CSMD3: variants seen among roughly 807,000 people sequenced by gnomAD.
CSMD3 encodes the protein CUB and sushi domain-containing protein 3.
CSMD3 carries 177 observed loss-of-function variants against 435.2 expected under a neutral mutation model. The observed-to-expected ratio is 0.41, with a 90% CI of 0.36 to 0.46. The LOEUF (loss-of-function observed/expected upper bound fraction) is 0.46, where lower values mean the gene tolerates loss of function less well. CSMD3 is among the 20% of genes least tolerant of loss of function. The pLI, the probability that CSMD3 is intolerant of heterozygous loss-of-function variation, is 0.34. For synonymous variants in CSMD3, 1,656 were observed against 1,520.5 expected (o/e 1.09, Z -2.07); for missense variants, 4,265 against 4,504.6 (o/e 0.95, Z 1.52).
chr8:112,536,584 G>C (rs1004119941), intron 27 of CSMD3, among the ~76,000 whole-genome samples: 4 of 152,262 alleles, frequency 2.6e-5, no homozygotes, highest in South Asian at 2.1e-4. Context: ...CTGTAAACTA[G>C]TTCAACCATT....
chr8:112,376,139 T>C (rs1039165440), intron 38 of CSMD3, among the ~76,000 whole-genome samples: 1 of 152,172 alleles, frequency 6.6e-6, no homozygotes, highest in African/African-American at 2.4e-5. Flanking sequence ...TAGCTGATTA[T>C]TTATTGCTTT....
intron 8 of CSMD3, among the ~76,000 whole-genome samples, chr8:112,952,433 T>C (rs2083853639): frequency 6.6e-6 from 1 of 151,676 alleles, no homozygotes; most frequent in Admixed American, 6.6e-5. Context: ...GATAAAAACT[T>C]TCTTTTTAAT....
chr8:113,041,403 C>A (rs541785530), intron 5 of CSMD3, among the ~76,000 whole-genome samples: 3 of 152,116 alleles, frequency 2.0e-5, no homozygotes, highest in Non-Finnish European at 4.4e-5. Context: ...CTTGGGATGT[C>A]ATTGTGCTGC....
chr8:112,230,889 T>C (rs1001039464), intron 69 of CSMD3, among the ~76,000 whole-genome samples: 1 of 152,222 alleles, frequency 6.6e-6, no homozygotes, highest in Non-Finnish European at 1.5e-5. Context: ...ATTTATTCTT[T>C]GTGTATCCCT....
intron 29 of CSMD3, among the ~76,000 whole-genome samples, chr8:112,505,539 A>G (rs1460431660): frequency 6.6e-6 from 1 of 152,138 alleles, no homozygotes; most frequent in Non-Finnish European, 1.5e-5. Context: ...CTGAAAGCTT[A>G]TTTAACAATG....
chr8:113,371,883 A>C (rs2094347924), intron 1 of CSMD3, among the ~76,000 whole-genome samples: 1 of 152,218 alleles, frequency 6.6e-6, no homozygotes. Context: ...AAGGAACTTA[A>C]GACTTTTCAC....
intron 28 of CSMD3, among the ~76,000 whole-genome samples, chr8:112,508,377 C>G (rs944867839): frequency 2.6e-5 from 4 of 152,168 alleles, no homozygotes; most frequent in Admixed American, 1.3e-4. Context: ...AGACCAGACA[C>G]AGACCCTACC....
intron 1 of CSMD3, among the ~76,000 whole-genome samples, chr8:113,371,784 C>A (rs1280154908): frequency 6.6e-6 from 1 of 152,094 alleles, no homozygotes; most frequent in Non-Finnish European, 1.5e-5. Flanking sequence ...CCTAAGAGAT[C>A]TACAAACGCA....
chr8:113,289,554 C>CAGAGAGAGAGAGAGAGAGAG (rs66595138), intron 2 of CSMD3, among the ~76,000 whole-genome samples: 4 of 143,300 alleles, frequency 2.8e-5, no homozygotes, highest in East Asian at 2.1e-4. Flanking sequence ...CAGAGAGAGA[C>CAGAGAGAGAGAGAGAGAGAG]AGAGAGAGAG....
intron 27 of CSMD3, among the ~76,000 whole-genome samples, chr8:112,536,008 T>C (rs1826041220): frequency 6.6e-6 from 1 of 152,202 alleles, no homozygotes; most frequent in African/African-American, 2.4e-5. Context: ...TTACACCTTA[T>C]ACAAAAATTA....
At chr8:112,926,034 C>T (rs1587687335) in intron 9 of CSMD3, among the ~76,000 whole-genome samples, 2 of 152,296 alleles carry the variant, frequency 1.3e-5, no homozygotes, top group East Asian at 3.9e-4. Flanking sequence ...AGGATCACAG[C>T]TACACTTCAA....
Position 112,921,761 on chromosome 8 carries a change from A to C in CSMD3, c.1509-10T>G. 1.9e-6 allele frequency: 3 copies of C among 1,597,280 alleles called. No individual in the cohort carries two copies. Among genetic ancestry groups the C allele is most frequent in the Non-Finnish European group, 2.6e-6 (3 of 1,165,210 alleles). On this transcript the variant is annotated splice_polypyrimidine_tract_variant and intron_variant, in intron 9 of 70. Transcript: ENST00000297405. ...CACAGTTGATCCAAGGCTAAAGTTA[A>C]ATAAAAGAGAAAAAATATGATAAGA...
At chr8:112,360,602 T>C (rs1245216913) in intron 38 of CSMD3, among the ~76,000 whole-genome samples, 1 of 151,924 alleles carries the variant, frequency 6.6e-6, no homozygotes, top group African/African-American at 2.4e-5. Flanking sequence ...GATTTGTATG[T>C]CATTCCTTGT....
chr8:112,685,864 C>G, intron 14 of CSMD3, 132 bp from the exon 15 acceptor site: 1 of 674,184 alleles, frequency 1.5e-6, no homozygotes, highest in Non-Finnish European at 2.5e-6. Flanking sequence ...AATTATAAAA[C>G]AGAACAAAAC....
At chr8:113,089,584 T>C (rs1292268285) in intron 5 of CSMD3, among the ~76,000 whole-genome samples, 2 of 152,148 alleles carry the variant, frequency 1.3e-5, no homozygotes, top group East Asian at 3.9e-4. Context: ...TAAAGGGATA[T>C]TAATTTTTTA....
intron 13 of CSMD3, among the ~76,000 whole-genome samples, chr8:112,766,821 A>G (rs1214369461): frequency 6.6e-6 from 1 of 151,866 alleles, no homozygotes; most frequent in Non-Finnish European, 1.5e-5. Flanking sequence ...CTATTGGCAC[A>G]GCAAACTGTG....
chr8:113,071,338 T>C (rs142825494), intron 5 of CSMD3, among the ~76,000 whole-genome samples: 84 of 152,022 alleles, frequency 5.5e-4, no homozygotes, highest in African/African-American at 2.0e-3. Flanking sequence ...TTTGGTATAG[T>C]CCCAATTGTT....
chr8:112,787,345 T>C (rs1003572108), intron 13 of CSMD3, among the ~76,000 whole-genome samples: 2 of 152,092 alleles, frequency 1.3e-5, no homozygotes, highest in Non-Finnish European at 2.9e-5. Flanking sequence ...CTGGCAAGGA[T>C]GTGGAGAAAA....
At chr8:112,961,877 G>A (rs963482103) in intron 7 of CSMD3, among the ~76,000 whole-genome samples, 3 of 151,888 alleles carry the variant, frequency 2.0e-5, no homozygotes, top group Non-Finnish European at 4.4e-5. Context: ...GGCGTAACAG[G>A]TCTTACAGTT....
Sources: gnomAD v4.1 joint callset for allele counts (sites outside exome capture counted in the v4.1 genomes callset) on GRCh38, gnomAD v4.1.1 for gene constraint, MANE v1.5 for transcripts, NCBI Gene and HGNC (gene_info 2026-07-23, HGNC 2026-07-21) for gene names.